The following BCL2 variants were observed in gnomAD, a reference collection of about 807,000 sequenced individuals.
BCL2 encodes the protein apoptosis regulator Bcl-2.
BCL2 carries 1 observed loss-of-function variant against 14.2 expected under a neutral mutation model. The ratio of observed to expected loss-of-function variants is 0.07; its 90% confidence interval spans 0.02 to 0.33. The LOEUF is 0.33. BCL2 is among the 10% of genes least tolerant of loss of function. The probability of loss-of-function intolerance (pLI) is 0.99; values close to 1 mark genes in which losing one functional copy is unlikely to be tolerated. For missense variants in BCL2, 247 were observed against 305.9 expected, an observed-to-expected ratio of 0.81 and a Z score of 1.44; for synonymous variants, 151 against 137.2, an observed-to-expected ratio of 1.10 and a Z score of -0.70.
intron 2 of BCL2, among the ~76,000 whole-genome samples, chr18:63,264,768 C>A (rs566023509): frequency 6.6e-6 from 1 of 152,154 alleles, no homozygotes; most frequent in Non-Finnish European, 1.5e-5. Context: ...TCAATGGGAA[C>A]GAAGAGATAG....
chr18:63,153,629 G>A (rs1914704881), intron 2 of BCL2, among the ~76,000 whole-genome samples: 1 of 152,210 alleles, frequency 6.6e-6, no homozygotes, highest in Non-Finnish European at 1.5e-5. Flanking sequence ...TGGAAGTAGA[G>A]TTCTGGAGTT....
rs1911656876 is a variant in BCL2 at position 63,261,464 on chromosome 18, G to A, written c.585+56618C>T. 2.0e-5 allele frequency among the ~76,000 whole-genome samples: 3 copies of A among 152,168 alleles called. No homozygotes were observed. In the South Asian group the frequency reaches 6.2e-4, roughly 32 times the overall value. ...GCAAGAAATAGATCTCTGACCCAAA[G>A]TGATAAAACACCAAAGCCAACTGCT... On this transcript the variant is annotated intron_variant, in intron 2 of 2. Transcript: ENST00000333681.
intron 2 of BCL2, among the ~76,000 whole-genome samples, chr18:63,264,012 C>T (rs528662823): frequency 2.0e-5 from 3 of 152,308 alleles, no homozygotes; most frequent in Admixed American, 2.0e-4. Flanking sequence ...TCAGGTGATC[C>T]ACCTGCCTTG....
In BCL2 at chr18:63,124,274, C is replaced by T. The variant is rs867942260; in HGVS notation, c.*4351G>A. The T allele has an allele frequency of 4.4e-6, 1 of 226,602 alleles. No homozygotes were observed. The highest frequency in any genetic ancestry group is 8.8e-6 in the Non-Finnish European group (1 of 113,850). 14.0% of individuals were successfully genotyped at this position (226,602 alleles called of 1,614,324 possible). A position where few individuals can be genotyped will look rare whatever the true frequency, so the allele number is the denominator to read the frequency against. On this transcript the variant is annotated 3_prime_UTR_variant, in exon 3 of 3. Transcript: ENST00000333681. ...ATAATAAACATTTAGAAACAGATGT[C>T]CCTACCAACCAGAAGGTTGTCATTA... is the stretch of plus-strand genomic sequence containing the variant.
chr18:63,195,427 C>T (rs1312458046), intron 2 of BCL2, among the ~76,000 whole-genome samples: 1 of 152,186 alleles, frequency 6.6e-6, no homozygotes, highest in African/African-American at 2.4e-5. Context: ...AAAGTCACTC[C>T]TTCACCTTCT....
intron 2 of BCL2, among the ~76,000 whole-genome samples, chr18:63,207,372 T>C (rs1909866679): frequency 6.6e-6 from 1 of 152,176 alleles, no homozygotes. Context: ...TTGAAGGAAG[T>C]TGAAATGTAG....
At chr18:63,206,383 G>T (rs1314497263) in intron 2 of BCL2, among the ~76,000 whole-genome samples, 5 of 152,250 alleles carry the variant, frequency 3.3e-5, no homozygotes, top group African/African-American at 7.2e-5. Flanking sequence ...AGGGCATGTA[G>T]CCTTTTCCCT....
chr18:63,199,304 A>C lies in BCL2; in HGVS notation c.586-70545T>G, dbSNP rs373393425. Among the ~76,000 whole-genome samples, 776 of 151,248 alleles carry C rather than the reference A, an allele frequency of 5.1e-3. 8 individuals carry two copies. Among genetic ancestry groups the C allele is most frequent in the African/African-American group, 0.018 (743 of 41,238 alleles). On this transcript the variant is annotated intron_variant, in intron 2 of 2. Transcript: ENST00000333681. ...CAGACACATGCACAGACACAGAGAC[A>C]CACACATATACTACACAACATGCAC...
chr18:63,318,291 C>T lies in BCL2; in HGVS notation c.376G>A (p.Ala126Thr), dbSNP rs2144322679. 6.2e-7 allele frequency: 1 copy of T among 1,614,154 alleles called. No homozygotes were observed. The highest frequency in any genetic ancestry group is 8.5e-7 in the Non-Finnish European group (1 of 1,180,018). The change falls in exon 2 of 3, where the codon GCG becomes ACG. Residue 126 changes from alanine (A) to threonine (T), a missense_variant. Physicochemically the swap from Ala to Thr is moderately conservative, Grantham distance 58. Around this residue, in one of 3 missense-constraint regions of BCL2, gnomAD observed 67 missense variants for 145.7 expected, o/e 0.46. Coordinates refer to ENST00000333681, the MANE Select transcript of BCL2 (RefSeq NM_000633.3). This position sits in a 1 kb window ranked among gnomAD's most constrained non-coding sequence, Gnocchi z 7.4. ...SSQLHLTPFTARGRFATVVEE... is the reference protein window; with the variant it reads ...SSQLHLTPFTTRGRFATVVEE... ...ACCACCGTGGCAAAGCGTCCCCGCG[C>T]GGTGAAGGGCGTCAGGTGCAGCTGG...
chr18:63,189,872 A>G (rs1307687099), intron 2 of BCL2, among the ~76,000 whole-genome samples: 5 of 152,052 alleles, frequency 3.3e-5, no homozygotes. Context: ...GAAGAGATAA[A>G]TATGTGTTCA....
chr18:63,216,756 T>C (rs1910216533), intron 2 of BCL2, among the ~76,000 whole-genome samples: 1 of 152,182 alleles, frequency 6.6e-6, no homozygotes, highest in African/African-American at 2.4e-5. Context: ...AAGCACTGCC[T>C]CAAAGAAACA....
At chr18:63,299,659 C>T (rs757828957) in intron 2 of BCL2, among the ~76,000 whole-genome samples, 4 of 152,186 alleles carry the variant, frequency 2.6e-5, no homozygotes, top group Non-Finnish European at 5.9e-5. Flanking sequence ...CGCTTCATCC[C>T]CTTCCATTCC....
chr18:63,171,759 G>T (rs1397378153), intron 2 of BCL2, among the ~76,000 whole-genome samples: 1 of 152,216 alleles, frequency 6.6e-6, no homozygotes, highest in African/African-American at 2.4e-5. Context: ...AGGATTCCTT[G>T]AGCCTTGAAG....
In BCL2 at chr18:63,318,441, C is replaced by G. The variant is rs1228330940; in HGVS notation, c.226G>C (p.Ala76Pro). 1.4e-6 allele frequency: 2 copies of G among 1,476,362 alleles called. No individual in the cohort carries two copies. Among genetic ancestry groups the G allele is most frequent in the South Asian group, 2.8e-5 (2 of 71,024 alleles). The allele number at this position is 1,476,362 out of a possible 1,614,324, so 91.5% of individuals were successfully genotyped here. A position where few individuals can be genotyped will look rare whatever the true frequency, so the allele number is the denominator to read the frequency against. The change falls in exon 2 of 3, where the codon GCT (alanine) becomes CCT (proline). Residue 76 changes from alanine to proline, a missense_variant. Physicochemically the swap from Ala to Pro is conservative, Grantham distance 27. Transcript: ENST00000333681. This position sits in a 1 kb window ranked among gnomAD's most constrained non-coding sequence, Gnocchi z 7.4. ...VARTSPLQTP[A>P]APGAAAGPAL... The stretch of plus-strand genomic sequence containing the variant: ...GGCCCCGCGGCGGCGCCGGGGGCAG[C>G]CGGGGTCTGCAGCGGCGAGGTCCTG...
intron 2 of BCL2, among the ~76,000 whole-genome samples, chr18:63,173,685 T>C (rs965446983): frequency 1.3e-5 from 2 of 152,232 alleles, no homozygotes; most frequent in East Asian, 3.8e-4. Flanking sequence ...AGCTCAGGAA[T>C]AGATTAATGT....
chr18:63,192,046 T>C (rs539300873), intron 2 of BCL2, among the ~76,000 whole-genome samples: 2 of 152,344 alleles, frequency 1.3e-5, no homozygotes, highest in Admixed American at 6.5e-5. Flanking sequence ...TTGGGAGCAC[T>C]GTCGGGACTA....
chr18:63,260,271 C>T (rs1340662400), intron 2 of BCL2, among the ~76,000 whole-genome samples: 3 of 152,170 alleles, frequency 2.0e-5, no homozygotes, highest in Non-Finnish European at 4.4e-5. Flanking sequence ...CACATGTACA[C>T]GCACACACAC....
At chr18:63,135,374 A>G (rs1163277041) in intron 2 of BCL2, among the ~76,000 whole-genome samples, 1 of 152,240 alleles carries the variant, frequency 6.6e-6, no homozygotes, top group African/African-American at 2.4e-5. Context: ...CCTTGCAGGC[A>G]GGTGCTGCTG....
chr18:63,173,847 C>T (rs2031496781), intron 2 of BCL2, among the ~76,000 whole-genome samples: 1 of 152,168 alleles, frequency 6.6e-6, no homozygotes, highest in African/African-American at 2.4e-5. Context: ...ATGAAAACCA[C>T]AAAGAAATAT....
Sources: allele counts gnomAD v4.1 joint callset (sites outside exome capture counted in the v4.1 genomes callset), GRCh38; gene constraint gnomAD v4.1.1; regional missense constraint gnomAD v4.1.1; non-coding constraint Gnocchi (gnomAD v3.1); transcripts MANE v1.5; gene names NCBI Gene and HGNC (gene_info 2026-07-23, HGNC 2026-07-21).